TBC1D22A: variants seen among roughly 807,000 people sequenced by gnomAD.
TBC1D22A encodes TBC1 domain family member 22A, also known as putative GTPase activator.
In TBC1D22A, 38 loss-of-function variants were observed where a neutral mutation model predicts 60.2. The observed-to-expected ratio is 0.63, with a 90% CI of 0.49 to 0.83. TBC1D22A has a LOEUF of 0.83. TBC1D22A is among the 40% of genes least tolerant of loss of function. The probability of loss-of-function intolerance (pLI) is 0.00; values close to 1 mark genes in which losing one functional copy is unlikely to be tolerated. For missense variants in TBC1D22A, 628 were observed against 701.0 expected (o/e 0.90, Z 1.18); for synonymous variants, 302 against 281.7 (o/e 1.07, Z -0.72).
intron 4 of TBC1D22A, among the ~76,000 whole-genome samples, chr22:46,826,048 A>G (rs1194468756): frequency 1.3e-5 from 2 of 151,894 alleles, no homozygotes; most frequent in African/African-American, 4.8e-5. Context: ...ACGCCTGGCT[A>G]ATTTTTTGTA....
chr22:47,082,926 C>A (rs535212667), intron 11 of TBC1D22A, among the ~76,000 whole-genome samples: 1 of 152,196 alleles, frequency 6.6e-6, no homozygotes, highest in Non-Finnish European at 1.5e-5. Context: ...CAGCTTTATT[C>A]ATACCAGCCA....
intron 10 of TBC1D22A, among the ~76,000 whole-genome samples, chr22:47,026,875 T>C (rs955042775): frequency 1.1e-4 from 16 of 152,332 alleles, no homozygotes; most frequent in African/African-American, 3.8e-4. Context: ...CTATAGAAAT[T>C]GACAAGCTGA....
intron 9 of TBC1D22A, among the ~76,000 whole-genome samples, chr22:46,977,846 G>A (rs1375830616): frequency 6.6e-6 from 1 of 152,168 alleles, no homozygotes; most frequent in African/African-American, 2.4e-5. Flanking sequence ...GCGCTAGCAG[G>A]GATGGTGCTA....
At chr22:47,126,225 G>T (rs1485775051) in intron 12 of TBC1D22A, among the ~76,000 whole-genome samples, 1 of 152,150 alleles carries the variant, frequency 6.6e-6, no homozygotes, top group Non-Finnish European at 1.5e-5. Context: ...CAGGTAATCC[G>T]CCTGCCTTGG....
At chr22:46,928,027 C>T (rs2071146652) in intron 8 of TBC1D22A, among the ~76,000 whole-genome samples, 2 of 151,988 alleles carry the variant, frequency 1.3e-5, no homozygotes, top group Non-Finnish European at 2.9e-5. Flanking sequence ...TCAGTGCAGT[C>T]CCTATCAAAA....
At chr22:47,119,780 C>G (rs2066206768) in intron 12 of TBC1D22A, among the ~76,000 whole-genome samples, 1 of 152,196 alleles carries the variant, frequency 6.6e-6, no homozygotes, top group Admixed American at 6.5e-5. Context: ...CAGGCATGAG[C>G]CATCGTGCCA....
intron 12 of TBC1D22A, 119 bp downstream of exon 12, chr22:47,111,722 C>T (rs533469041): frequency 1.3e-5 from 11 of 856,966 alleles, no homozygotes; most frequent in Middle Eastern, 2.6e-4. Context: ...GCCTGCATTT[C>T]GCCGCTGACC....
chr22:46,974,432 G>A (rs763616909), intron 9 of TBC1D22A, 33 bp downstream of exon 9: 122 of 1,557,226 alleles, frequency 7.8e-5, no homozygotes, highest in African/African-American at 1.4e-4. Flanking sequence ...CACAGCCCAC[G>A]CCCACAGCCC....
chr22:46,952,968 C>G (rs1173286785), intron 8 of TBC1D22A, among the ~76,000 whole-genome samples: 1 of 152,146 alleles, frequency 6.6e-6, no homozygotes, highest in Non-Finnish European at 1.5e-5. Context: ...GGTCTGTGAC[C>G]TTGACCACCT....
intron 11 of TBC1D22A, among the ~76,000 whole-genome samples, chr22:47,041,930 C>T (rs1603130735): frequency 6.6e-6 from 1 of 152,228 alleles, no homozygotes; most frequent in Non-Finnish European, 1.5e-5. Context: ...GCTTGCCCGC[C>T]CTAACCTATA....
chr22:46,791,531 G>GTTT (rs11351638), intron 1 of TBC1D22A, among the ~76,000 whole-genome samples: 6 of 140,624 alleles, frequency 4.3e-5, no homozygotes, highest in Non-Finnish European at 7.7e-5. Context: ...AGCTAAGCCT[G>GTTT]TTTTTTTTTT....
chr22:46,943,950 C>T (rs148595866), intron 8 of TBC1D22A, among the ~76,000 whole-genome samples: 1 of 152,156 alleles, frequency 6.6e-6, no homozygotes, highest in African/African-American at 2.4e-5. Flanking sequence ...ATCCATTCAT[C>T]AATGGATGGA....
At chr22:47,068,517 T>C (rs1280435336) in intron 11 of TBC1D22A, among the ~76,000 whole-genome samples, 2 of 152,234 alleles carry the variant, frequency 1.3e-5, no homozygotes, top group Non-Finnish European at 2.9e-5. Context: ...TATAAGTTCT[T>C]TCTGTGGACC....
intron 4 of TBC1D22A, among the ~76,000 whole-genome samples, chr22:46,873,788 G>C (rs1275198397): frequency 6.7e-6 from 1 of 150,330 alleles, no homozygotes; most frequent in Admixed American, 6.6e-5. Flanking sequence ...ACATAATCTT[G>C]TTCCTTTTTT....
At chr22:46,927,076 G>C (rs942823167) in intron 8 of TBC1D22A, among the ~76,000 whole-genome samples, 1 of 152,140 alleles carries the variant, frequency 6.6e-6, no homozygotes, top group Non-Finnish European at 1.5e-5. Context: ...AAATAGAAGA[G>C]GAGGGAGCAC....
chr22:47,044,192 C>G (rs1300854462), intron 11 of TBC1D22A, among the ~76,000 whole-genome samples: 1 of 152,224 alleles, frequency 6.6e-6, no homozygotes, highest in Admixed American at 6.5e-5. Context: ...CTCTGTGCCT[C>G]TGTCCGGTGC....
intron 10 of TBC1D22A, among the ~76,000 whole-genome samples, chr22:47,017,295 G>A (rs2061942085): frequency 6.6e-6 from 1 of 152,224 alleles, no homozygotes; most frequent in Non-Finnish European, 1.5e-5. Flanking sequence ...GACGGTCCAT[G>A]CAGGGAGATA....
chr22:46,900,254 C>A (rs531432027), intron 7 of TBC1D22A, among the ~76,000 whole-genome samples: 2 of 151,562 alleles, frequency 1.3e-5, no homozygotes, highest in African/African-American at 4.9e-5. Context: ...TGGGTTCAAG[C>A]GATTCTCTTG....
chr22:47,052,415 G>A lies in TBC1D22A; in HGVS notation c.1329+15217G>A, dbSNP rs568633665. Reference sequence around the variant, plus strand: ...CTGGGAGGGACCCTCAAGGTGAGGAGGTGGGAGGCTGGGAAGAAAGATGGG... The same window carrying A: ...CTGGGAGGGACCCTCAAGGTGAGGAAGTGGGAGGCTGGGAAGAAAGATGGG... On this transcript the variant is annotated intron_variant, in intron 11 of 12. Transcript: ENST00000337137. Among the ~76,000 whole-genome samples the A allele has an allele frequency of 2.0e-5, 3 of 152,304 alleles. No individual in the cohort carries two copies. In the East Asian group the frequency reaches 5.8e-4, roughly 30 times the overall value.
Sources: allele counts gnomAD v4.1 joint callset (sites outside exome capture counted in the v4.1 genomes callset), GRCh38; gene constraint gnomAD v4.1.1; transcripts MANE v1.5; gene names NCBI Gene and HGNC (gene_info 2026-07-23, HGNC 2026-07-21).